SMIM36: variants seen among roughly 807,000 people sequenced by gnomAD.
SMIM36 encodes the protein small integral membrane protein 36.
chr17:55,510,882 A>G (rs1265193676), exon 1 of SMIM36: 1 of 382,318 alleles, frequency 2.6e-6, no homozygotes, highest in African/African-American at 2.1e-5. Context: ...TTCTTACCTT[A>G]AACAGTTACT....
intron 1 of SMIM36, among the ~76,000 whole-genome samples, chr17:55,481,195 A>G (rs1334818003): frequency 1.3e-5 from 2 of 152,080 alleles, no homozygotes; most frequent in Non-Finnish European, 2.9e-5. Flanking sequence ...CTTTACATGT[A>G]GGCAATCCTC....
intron 1 of SMIM36, among the ~76,000 whole-genome samples, chr17:55,485,101 T>C (rs1157185592): frequency 1.3e-5 from 2 of 152,182 alleles, no homozygotes; most frequent in East Asian, 3.8e-4. Flanking sequence ...TACAGAGGGG[T>C]AAAATGACAT....
chr17:55,490,660 A>G (rs1357105750), intron 1 of SMIM36, among the ~76,000 whole-genome samples: 1 of 152,212 alleles, frequency 6.6e-6, no homozygotes, highest in Non-Finnish European at 1.5e-5. Context: ...AGCACTTTCC[A>G]AACAGATTTG....
chr17:55,497,215 T>A (rs750397125), intron 1 of SMIM36, among the ~76,000 whole-genome samples: 15 of 152,114 alleles, frequency 9.9e-5, no homozygotes, highest in Non-Finnish European at 1.9e-4. Flanking sequence ...CACAAGCACA[T>A]TTTTCTACTA....
intron 1 of SMIM36, among the ~76,000 whole-genome samples, chr17:55,501,980 C>T (rs1274427386): frequency 1.2e-4 from 18 of 150,100 alleles, no homozygotes; most frequent in African/African-American, 4.4e-4. Flanking sequence ...CCTGGAAAAT[C>T]GGGTCACTCC....
intron 4 of SMIM36, among the ~76,000 whole-genome samples, chr17:55,463,658 T>A (rs191087476): frequency 6.6e-6 from 1 of 152,268 alleles, no homozygotes; most frequent in Non-Finnish European, 1.5e-5. Context: ...AGTTAAAGGG[T>A]AGACAAATAT....
chr17:55,500,787 A>C (rs1441562355), intron 1 of SMIM36, among the ~76,000 whole-genome samples: 2 of 60,094 alleles, frequency 3.3e-5, no homozygotes, highest in East Asian at 8.3e-4. Context: ...ATAATATATT[A>C]TTATATATTT....
intron 3 of SMIM36, among the ~76,000 whole-genome samples, chr17:55,474,111 A>T (rs918051139): frequency 1.8e-4 from 28 of 152,278 alleles, no homozygotes; most frequent in African/African-American, 6.7e-4. Flanking sequence ...AGGGATAGGA[A>T]TTGCTCACTC....
At chr17:55,483,247 T>C (rs983932600) in intron 1 of SMIM36, among the ~76,000 whole-genome samples, 5 of 152,188 alleles carry the variant, frequency 3.3e-5, no homozygotes, top group Admixed American at 6.5e-5. Flanking sequence ...CTGAGTGCTC[T>C]CTCCCACATA....
chr17:55,477,958 T>C (rs1227339592), intron 3 of SMIM36, among the ~76,000 whole-genome samples: 1 of 151,976 alleles, frequency 6.6e-6, no homozygotes, highest in Non-Finnish European at 1.5e-5. Context: ...AAGTGAATAT[T>C]TGACATTTCC....
chr17:55,499,023 AAAAC>A (rs1228413759), intron 1 of SMIM36, among the ~76,000 whole-genome samples: 8 of 151,322 alleles, frequency 5.3e-5, no homozygotes, highest in Admixed American at 3.3e-4. Flanking sequence ...AAAAAAAGCA[AAAAC>A]AAACAAACAA....
intron 4 of SMIM36, among the ~76,000 whole-genome samples, chr17:55,461,947 C>A (rs139099747): frequency 2.4e-4 from 36 of 152,294 alleles, no homozygotes; most frequent in African/African-American, 8.7e-4. Flanking sequence ...TAGGGATCCA[C>A]TGAGCCACTG....
At chr17:55,528,751 A>G in the SMIM36 span, among the ~76,000 whole-genome samples, 9 of 151,778 alleles carry the variant, frequency 5.9e-5, no homozygotes, top group Non-Finnish European at 4.4e-5. Context: ...GGGTCTTACC[A>G]TGTTGGCCAC....
chr17:55,462,078 G>C (rs955989406), intron 4 of SMIM36, among the ~76,000 whole-genome samples: 1 of 152,148 alleles, frequency 6.6e-6, no homozygotes. Context: ...ACAGATTTTA[G>C]GGCAAGCAGT....
chr17:55,451,273 C>T (rs981658689), intron 4 of SMIM36, among the ~76,000 whole-genome samples: 1 of 152,222 alleles, frequency 6.6e-6, no homozygotes, highest in African/African-American at 2.4e-5. Flanking sequence ...CTCGCACCTT[C>T]TCCAACCTCA....
At chr17:55,486,128 G>T (rs928975650) in intron 1 of SMIM36, among the ~76,000 whole-genome samples, 8 of 151,034 alleles carry the variant, frequency 5.3e-5, no homozygotes, top group African/African-American at 1.9e-4. Context: ...CTCGCCTCCC[G>T]GGTTCAAGTG....
chr17:55,525,667 A>AT, the SMIM36 span, among the ~76,000 whole-genome samples: 25 of 152,090 alleles, frequency 1.6e-4, 1 homozygote, highest in East Asian at 3.3e-3. Flanking sequence ...ACATTTATTG[A>AT]TTTTTTTTAA....
chr17:55,514,013 C>T (rs1910225389), upstream of SMIM36, among the ~76,000 whole-genome samples: 1 of 152,152 alleles, frequency 6.6e-6, no homozygotes, highest in African/African-American at 2.4e-5. Flanking sequence ...TCTGTTTCCA[C>T]CAGTGCTCAA....
At chr17:55,486,480 A>G (rs1909610292) in intron 1 of SMIM36, among the ~76,000 whole-genome samples, 1 of 152,162 alleles carries the variant, frequency 6.6e-6, no homozygotes, top group Non-Finnish European at 1.5e-5. Flanking sequence ...TAGTAACTTT[A>G]GGCCTTTCTA....
Sources: allele counts gnomAD v4.1 joint callset (sites outside exome capture counted in the v4.1 genomes callset), GRCh38; gene constraint gnomAD v4.1.1; transcripts MANE v1.5; gene names NCBI Gene and HGNC (gene_info 2026-07-23, HGNC 2026-07-21).